The following FAF1 variants were observed in gnomAD, a reference collection of about 807,000 sequenced individuals.
FAF1 encodes FAS-associated factor 1.
Under a neutral mutation model 92.5 loss-of-function variants are expected in FAF1, and 25 were observed. The ratio of observed to expected loss-of-function variants is 0.27; its 90% CI spans 0.20 to 0.38. The LOEUF is 0.38. Among genes scored for constraint, FAF1 ranks in the 10% least tolerant of loss-of-function variants. FAF1 has a pLI of 1.00. For missense variants in FAF1, 636 were observed against 793.3 expected (o/e 0.80, Z 2.38); for synonymous variants, 234 against 273.2 (o/e 0.86, Z 1.42).
chr1:50,482,934 T>C (rs1248170524), intron 17 of FAF1, among the ~76,000 whole-genome samples: 1 of 152,182 alleles, frequency 6.6e-6, no homozygotes, highest in African/African-American at 2.4e-5. Flanking sequence ...TGGCTTGTTT[T>C]TTCAATTTCC....
intron 8 of FAF1, among the ~76,000 whole-genome samples, chr1:50,611,246 A>G (rs1003205193): frequency 1.3e-5 from 2 of 152,238 alleles, no homozygotes; most frequent in Non-Finnish European, 2.9e-5. Flanking sequence ...TGAAAGACTT[A>G]GCTTTGTATT....
chr1:50,599,080 T>A (rs1249292525), intron 8 of FAF1, among the ~76,000 whole-genome samples: 1 of 152,224 alleles, frequency 6.6e-6, no homozygotes, highest in Non-Finnish European at 1.5e-5. Flanking sequence ...TAATAATACT[T>A]AAATGGCATT....
intron 12 of FAF1, chr1:50,582,398 A>C (rs941287835): frequency 2.2e-6 from 1 of 449,290 alleles, no homozygotes; most frequent in Non-Finnish European, 4.0e-6. Context: ...ATGAAAACAG[A>C]AAACGGTGCT....
chr1:50,686,555 G>C (rs1301073753), intron 7 of FAF1, among the ~76,000 whole-genome samples: 1 of 148,166 alleles, frequency 6.7e-6, no homozygotes, highest in African/African-American at 2.5e-5. Context: ...AGAAGAGGAG[G>C]GGAGGGGAGG....
chr1:50,955,783 T>C (rs1207959919), intron 1 of FAF1, among the ~76,000 whole-genome samples: 1 of 152,166 alleles, frequency 6.6e-6, no homozygotes, highest in Non-Finnish European at 1.5e-5. Flanking sequence ...GGTATATACA[T>C]ACAATGGAAC....
intron 2 of FAF1, among the ~76,000 whole-genome samples, chr1:50,837,834 C>T (rs1644222469): frequency 1.3e-5 from 2 of 151,782 alleles, no homozygotes; most frequent in Admixed American, 1.3e-4. Flanking sequence ...ACCTCTGCCT[C>T]CTGAGTTCAA....
chr1:50,705,332 C>T (rs1436090528), intron 7 of FAF1, among the ~76,000 whole-genome samples: 1 of 152,212 alleles, frequency 6.6e-6, no homozygotes, highest in Non-Finnish European at 1.5e-5. Context: ...GCATCTTAGG[C>T]ATACTGCCCA....
intron 2 of FAF1, among the ~76,000 whole-genome samples, chr1:50,804,359 A>G (rs1434671212): frequency 6.6e-6 from 1 of 152,180 alleles, no homozygotes; most frequent in Non-Finnish European, 1.5e-5. Flanking sequence ...TCACTCAGCT[A>G]TCTTCTTTGT....
chr1:50,466,188 A>G (rs1451665084), intron 18 of FAF1, among the ~76,000 whole-genome samples: 1 of 152,230 alleles, frequency 6.6e-6, no homozygotes, highest in Non-Finnish European at 1.5e-5. Flanking sequence ...TGAGAAGTAG[A>G]TTCTGGGTAT....
At chr1:50,794,264 G>A (rs1661665378) in intron 3 of FAF1, among the ~76,000 whole-genome samples, 3 of 152,190 alleles carry the variant, frequency 2.0e-5, no homozygotes, top group South Asian at 2.1e-4. Flanking sequence ...TAAGTTAACT[G>A]AGGAAAAAAA....
At chr1:50,837,934 G>A (rs187154068) in intron 2 of FAF1, among the ~76,000 whole-genome samples, 387 of 152,016 alleles carry the variant, frequency 2.5e-3, no homozygotes, top group African/African-American at 9.0e-3. Flanking sequence ...TAGCAGAGAC[G>A]GGGTTTCACC....
intron 7 of FAF1, among the ~76,000 whole-genome samples, chr1:50,668,517 A>G (rs964212424): frequency 1.3e-5 from 2 of 152,344 alleles, no homozygotes; most frequent in East Asian, 3.9e-4. Context: ...GCAAAGTTAT[A>G]AGAGTAAAGT....
intron 15 of FAF1, among the ~76,000 whole-genome samples, chr1:50,494,208 C>T (rs967708325): frequency 6.6e-6 from 1 of 152,172 alleles, no homozygotes; most frequent in African/African-American, 2.4e-5. Context: ...CTCCAACTGT[C>T]CTCTTCAGAG....
chr1:50,497,914 T>A (rs1646920944), intron 15 of FAF1, among the ~76,000 whole-genome samples: 1 of 151,994 alleles, frequency 6.6e-6, no homozygotes, highest in Admixed American at 6.6e-5. Context: ...GAAAAACCCA[T>A]CATAAAATGC....
chr1:50,665,701 G>T (rs1283868561), intron 7 of FAF1, among the ~76,000 whole-genome samples: 1 of 152,050 alleles, frequency 6.6e-6, no homozygotes, highest in African/African-American at 2.4e-5. Flanking sequence ...GCCCAAAATA[G>T]GAATTATCTG....
chr1:50,900,185 T>C (rs541500336), intron 1 of FAF1, among the ~76,000 whole-genome samples: 14 of 152,328 alleles, frequency 9.2e-5, no homozygotes, highest in Non-Finnish European at 1.9e-4. Context: ...CAATGAATTT[T>C]AGCATATTAA....
intron 3 of FAF1, among the ~76,000 whole-genome samples, chr1:50,794,138 C>A (rs764571275): frequency 1.3e-5 from 2 of 152,214 alleles, no homozygotes; most frequent in Non-Finnish European, 2.9e-5. Flanking sequence ...TTAGCAGACA[C>A]ACACCACAAA....
chr1:50,483,017 GT>G (rs1646721114), intron 17 of FAF1, among the ~76,000 whole-genome samples: 2 of 152,172 alleles, frequency 1.3e-5, no homozygotes, highest in South Asian at 4.1e-4. Context: ...TATTTTATAG[GT>G]TGTGTCTTTG....
At position 50,942,427 on chromosome 1, in the gene FAF1, T is replaced by C. The variant is rs544787628; in HGVS notation, c.45+17340A>G. On this transcript the variant is annotated intron_variant, in intron 1 of 18. Coordinates refer to ENST00000396153, the MANE Select transcript of FAF1 (RefSeq NM_007051.3). Reference sequence around the variant, plus strand: ...ACCACATCACATGTAAACTTTGTTGTAAACCACACTGTATTTTAAGGAAGG... The same window carrying C: ...ACCACATCACATGTAAACTTTGTTGCAAACCACACTGTATTTTAAGGAAGG... Among the ~76,000 whole-genome samples, 3 of 151,796 alleles carry C rather than the reference T, an allele frequency of 2.0e-5. No homozygotes were observed. The East Asian group carries it at 5.8e-4, about 29-fold the overall frequency.
Sources: gnomAD v4.1 joint callset for allele counts (sites outside exome capture counted in the v4.1 genomes callset) on GRCh38, gnomAD v4.1.1 for gene constraint, MANE v1.5 for transcripts, NCBI Gene and HGNC (gene_info 2026-07-23, HGNC 2026-07-21) for gene names.